ATP9A: variants seen among roughly 807,000 people sequenced by gnomAD.
The protein encoded by ATP9A is ATPase phospholipid transporting 9A.
ATP9A carries 52 observed loss-of-function variants against 144.1 expected under a neutral mutation model. The ratio of observed to expected loss-of-function variants is 0.36; its 90% confidence interval spans 0.29 to 0.45. The LOEUF (loss-of-function observed/expected upper bound fraction) is 0.45. ATP9A is among the 20% of genes least tolerant of loss of function. The pLI is 1.00. For missense variants in ATP9A, 947 were observed against 1,392.7 expected (o/e 0.68, Z 5.09); for synonymous variants, 582 against 557.4 (o/e 1.04, Z -0.62).
rs188642532 is a variant in ATP9A at position 51,702,914 on chromosome 20, A to G, written c.437-5432T>C. On this transcript the variant is annotated intron_variant, in intron 4 of 27. Coordinates refer to ENST00000338821, the MANE Select transcript of ATP9A (RefSeq NM_006045.3). ...TCAAAAAAGGGCAGGAACTCTCCCT[A>G]CAATTGATCTGACAGAAAAGAAAAT... Among the ~76,000 whole-genome samples, 18 of 152,332 alleles carry G rather than the reference A, an allele frequency of 1.2e-4. No homozygotes were observed. In the East Asian group the frequency reaches 3.5e-3, roughly 29 times the overall value.
chr20:51,718,903 G>C (rs1262902991), intron 3 of ATP9A, among the ~76,000 whole-genome samples: 1 of 149,870 alleles, frequency 6.7e-6, no homozygotes, highest in Non-Finnish European at 1.5e-5. Flanking sequence ...GCCAAGGCAG[G>C]TGGATCACGA....
chr20:51,724,907 C>T (rs1013817270), intron 3 of ATP9A, among the ~76,000 whole-genome samples: 4 of 152,174 alleles, frequency 2.6e-5, no homozygotes, highest in Admixed American at 6.5e-5. Context: ...AATTCAAATA[C>T]AAGGTGAGCA....
rs71192550 is a variant in ATP9A, at chr20:51,718,814, C to CAAAAAAAAAAAAAAAAAAAAAAA, written c.328-5763_328-5741dup. On this transcript the variant is annotated intron_variant, in intron 3 of 27. Coordinates refer to ENST00000338821, the MANE Select transcript of ATP9A (RefSeq NM_006045.3). ...TGGGCAACAGAGCAAGACTCCATCT[C>CAAAAAAAAAAAAAAAAAAAAAAA]AAAAAAAAAAAAAAAAAAAAAAAAA... is the stretch of plus-strand genomic sequence containing the variant. Among the ~76,000 whole-genome samples, 22 of 57,688 alleles carry CAAAAAAAAAAAAAAAAAAAAAAA rather than the reference C, an allele frequency of 3.8e-4. 2 individuals are homozygous for CAAAAAAAAAAAAAAAAAAAAAAA. The highest frequency in any genetic ancestry group is 5.5e-4 in the Non-Finnish European group (18 of 32,820). 37.8% of individuals were successfully genotyped at this position (57,688 alleles called of 152,430 possible).
intron 1 of ATP9A, among the ~76,000 whole-genome samples, chr20:51,742,428 A>G (rs1191328472): frequency 3.3e-5 from 5 of 152,136 alleles, no homozygotes; most frequent in African/African-American, 1.2e-4. Context: ...AATGAAAAGC[A>G]AAGTGTGTTA....
In ATP9A at chr20:51,744,118, G is replaced by A. The variant is rs772579680; in HGVS notation, c.69-14140C>T. 5.9e-5 allele frequency among the ~76,000 whole-genome samples: 9 copies of A among 151,966 alleles called. No individual in the cohort carries two copies. In the South Asian group the frequency reaches 1.0e-3, roughly 18 times the overall value. On this transcript the variant is annotated intron_variant, in intron 1 of 27. Coordinates refer to ENST00000338821, the MANE Select transcript of ATP9A (RefSeq NM_006045.3). ...AAAGTGTAAGTTTATAAATAACTTC[G>A]TTTACACTGCTTCCTGCTTAGACCA...
At chr20:51,671,037 A>G in intron 12 of ATP9A, 78 bp downstream of exon 12, 1 of 1,540,918 alleles carries the variant, frequency 6.5e-7, no homozygotes, top group Non-Finnish European at 8.9e-7. Flanking sequence ...GTCCAGAGAG[A>G]GCCCAAGAAT....
rs151311144 is a variant in ATP9A at position 51,730,011 on chromosome 20, G to A, written c.69-33C>T. 16 of 1,484,192 alleles carry A rather than the reference G, an allele frequency of 1.1e-5. No homozygotes were observed. The African/African-American group carries it at 1.6e-4, about 15-fold the overall frequency. The allele number at this position is 1,484,192 out of a possible 1,614,324, so 91.9% of individuals were successfully genotyped here. On this transcript the variant is annotated intron_variant, in intron 1 of 27. Transcript: ENST00000338821. ...AAAGAAACCCACGCATCAAGGCCAC[G>A]CCCACGCATCGAGGCTGTGCTCATG...
At chr20:51,709,437 C>T (rs989934566) in intron 4 of ATP9A, among the ~76,000 whole-genome samples, 12 of 152,150 alleles carry the variant, frequency 7.9e-5, no homozygotes, top group African/African-American at 2.9e-4. Context: ...ATCGCTTCAA[C>T]CCGGGAGGCA....
At chr20:51,688,234 T>A (rs1342096396) in intron 9 of ATP9A, among the ~76,000 whole-genome samples, 1 of 152,222 alleles carries the variant, frequency 6.6e-6, no homozygotes, top group Non-Finnish European at 1.5e-5. Flanking sequence ...CCGCTGATGT[T>A]AACCACTGCT....
intron 1 of ATP9A, among the ~76,000 whole-genome samples, chr20:51,763,537 T>C (rs1232889670): frequency 6.6e-6 from 1 of 152,002 alleles, no homozygotes; most frequent in Admixed American, 6.6e-5. Context: ...ATGGTCTGGA[T>C]CTCCTGACCT....
chr20:51,724,081 G>C (rs1043799410), intron 3 of ATP9A, among the ~76,000 whole-genome samples: 2 of 151,978 alleles, frequency 1.3e-5, no homozygotes. Flanking sequence ...TGAGGCAGAA[G>C]AATCGCTTGG....
intron 1 of ATP9A, among the ~76,000 whole-genome samples, chr20:51,767,529 C>A (rs1487800531): frequency 6.6e-6 from 1 of 152,166 alleles, no homozygotes; most frequent in Non-Finnish European, 1.5e-5. Context: ...ACCAACCCGT[C>A]CCCTCTTCCC....
At chr20:51,690,704 G>T in intron 8 of ATP9A, 35 bp downstream of exon 8, 1 of 1,544,860 alleles carries the variant, frequency 6.5e-7, no homozygotes, top group Non-Finnish European at 9.0e-7. Context: ...ACACACTCCC[G>T]GTGACAGGAT....
chr20:51,728,396 G>A (rs568349577), intron 2 of ATP9A, among the ~76,000 whole-genome samples: 22 of 152,214 alleles, frequency 1.4e-4, no homozygotes, highest in African/African-American at 4.1e-4. Flanking sequence ...GGAGGCCAAG[G>A]TGGGTGGATC....
chr20:51,728,871 G>A (rs2077727253), intron 2 of ATP9A, among the ~76,000 whole-genome samples: 2 of 151,740 alleles, frequency 1.3e-5, no homozygotes, highest in South Asian at 4.1e-4. Flanking sequence ...TTTCTGCATT[G>A]GAGCTGATTG....
intron 22 of ATP9A, among the ~76,000 whole-genome samples, chr20:51,617,071 A>G (rs2122718458): frequency 6.6e-6 from 1 of 151,196 alleles, no homozygotes; most frequent in Non-Finnish European, 1.5e-5. Context: ...CCTCCCAAGT[A>G]GCTGTGATTA....
intron 15 of ATP9A, among the ~76,000 whole-genome samples, chr20:51,637,662 C>T (rs1207120848): frequency 6.6e-6 from 1 of 151,792 alleles, no homozygotes; most frequent in Non-Finnish European, 1.5e-5. Flanking sequence ...TGCCCAACAA[C>T]CTATGTTATC....
At position 51,613,736 on chromosome 20, in the gene ATP9A, G is replaced by A; in HGVS notation, c.2512C>T (p.Arg838Trp). Residue 838 changes from arginine to tryptophan, a missense_variant, in exon 23 of 28, where the codon CGG becomes TGG. Physicochemically the swap from Arg to Trp is moderately radical, Grantham distance 101 (BLOSUM62 -3). Transcript: ENST00000338821. ...LMVHGRNSYK[R>W]SAALSQFVIH... ...ACGAACTGGCTGAGGGCGGCTGACC[G>A]CTTGTAGCTGTTCCGGCCATGCACC... 2.5e-6 allele frequency: 4 copies of A among 1,614,154 alleles called. No individual in the cohort carries two copies. Among genetic ancestry groups the A allele is most frequent in the Non-Finnish European group, 2.5e-6 (3 of 1,180,024 alleles).
chr20:51,702,066 G>A (rs369848153), intron 4 of ATP9A, among the ~76,000 whole-genome samples: 33 of 152,244 alleles, frequency 2.2e-4, no homozygotes, highest in East Asian at 1.9e-3. Context: ...TTGGGAGGCC[G>A]AGGCAGGTGG....
Sources: allele counts gnomAD v4.1 joint callset (sites outside exome capture counted in the v4.1 genomes callset), GRCh38; gene constraint gnomAD v4.1.1; transcripts MANE v1.5; gene names NCBI Gene and HGNC (gene_info 2026-07-23, HGNC 2026-07-21).